PCDHA7: variants seen among roughly 807,000 people sequenced by gnomAD.
PCDHA7 encodes protocadherin alpha-7.
PCDHA7 carries 37 observed loss-of-function variants against 57.2 expected under a neutral mutation model. The ratio of observed to expected loss-of-function variants is 0.65; its 90% confidence interval spans 0.50 to 0.85. PCDHA7 has a LOEUF of 0.85. PCDHA7 is among the 40% of genes least tolerant of loss of function. The probability of loss-of-function intolerance (pLI) is 0.00; values close to 1 mark genes in which losing one functional copy is unlikely to be tolerated. For synonymous variants in PCDHA7, 553 were observed against 558.8 expected, an observed-to-expected ratio of 0.99 and a Z score of 0.15; for missense variants, 1,188 against 1,241.8, an observed-to-expected ratio of 0.96 and a Z score of 0.65.
intron 3 of PCDHA7, among the ~76,000 whole-genome samples, chr5:140,999,978 G>A (rs980753359): frequency 5.9e-5 from 9 of 151,942 alleles, no homozygotes; most frequent in South Asian, 2.1e-4. Flanking sequence ...CAGCTCTAGC[G>A]GCCTCTGGGT....
chr5:140,870,954 G>A, intron 1 of PCDHA7: 1 of 1,613,632 alleles, frequency 6.2e-7, no homozygotes, highest in Non-Finnish European at 8.5e-7. Flanking sequence ...CGGGCGGCTC[G>A]CGCATCCCGT....
At chr5:140,891,586 A>C (rs1296110221) in intron 1 of PCDHA7, among the ~76,000 whole-genome samples, 1 of 151,924 alleles carries the variant, frequency 6.6e-6, no homozygotes, top group Non-Finnish European at 1.5e-5. Flanking sequence ...TAATCTTATT[A>C]CTCTATCCCA....
chr5:140,839,071 T>C lies in PCDHA7; in HGVS notation c.2355+2333T>C, dbSNP rs115806337. 2.0e-3 allele frequency among the ~76,000 whole-genome samples: 311 copies of C among 152,148 alleles called. 5 individuals are homozygous for C. Among genetic ancestry groups the C allele is most frequent in the African/African-American group, 7.1e-3 (293 of 41,488 alleles). On this transcript the variant is annotated intron_variant, in intron 1 of 3. Coordinates refer to ENST00000525929, the MANE Select transcript of PCDHA7 (RefSeq NM_018910.3). ...TGAATAAGGATAGAGGTATGCAAAG[T>C]CAAAAACCTGTCTGATAATCAATAG...
At chr5:140,842,267 T>C (rs2150333098) in intron 1 of PCDHA7, 11 of 1,610,674 alleles carry the variant, frequency 6.8e-6, no homozygotes, top group African/African-American at 5.3e-5. Flanking sequence ...AGAAAACTTA[T>C]ACAAAATCCT....
At position 140,915,045 on chromosome 5, in the gene PCDHA7, A is replaced by G. The variant is rs989835419; in HGVS notation, c.2356-63904A>G. 2.0e-5 allele frequency among the ~76,000 whole-genome samples: 3 copies of G among 151,216 alleles called. No homozygotes were observed. In the East Asian group the frequency reaches 5.8e-4, roughly 29 times the overall value. On this transcript the variant is annotated intron_variant, in intron 1 of 3. Transcript: ENST00000525929. ...ACTGCAACTTCTGCCTCCTGGGTTC[A>G]AGCGATTCTCCTGCCTTAGCCTACT...
chr5:140,876,283 G>T, intron 1 of PCDHA7: 1 of 1,614,056 alleles, frequency 6.2e-7, no homozygotes, highest in Non-Finnish European at 8.5e-7. Context: ...CGATCCAGAC[G>T]AAGGACTTAA....
At chr5:140,924,416 T>G (rs1283567998) in intron 1 of PCDHA7, among the ~76,000 whole-genome samples, 1 of 152,192 alleles carries the variant, frequency 6.6e-6, no homozygotes, top group African/African-American at 2.4e-5. Context: ...CAGTGTGCCC[T>G]TTCTAGTTCC....
intron 3 of PCDHA7, among the ~76,000 whole-genome samples, chr5:140,983,986 G>A (rs1475891501): frequency 2.0e-5 from 3 of 152,176 alleles, no homozygotes; most frequent in African/African-American, 7.2e-5. Context: ...ACGAGTTGAA[G>A]CAATTCATTA....
At chr5:140,841,633 C>T in intron 1 of PCDHA7, 1 of 1,614,144 alleles carries the variant, frequency 6.2e-7, no homozygotes, top group Non-Finnish European at 8.5e-7. Flanking sequence ...AGTGCAGCAT[C>T]CACCTGGAGG....
intron 1 of PCDHA7, chr5:140,868,837 C>A (rs543405019): frequency 2.7e-4 from 116 of 427,288 alleles, no homozygotes; most frequent in Non-Finnish European, 3.6e-4. Context: ...AAACCCAAAA[C>A]ACGTGAAATT....
intron 1 of PCDHA7, chr5:140,858,387 T>C (rs1260966424): frequency 1.9e-6 from 3 of 1,582,118 alleles, no homozygotes; most frequent in Admixed American, 1.8e-5. Flanking sequence ...TGCCCAATGG[T>C]AGATGTGGAC....
intron 1 of PCDHA7, among the ~76,000 whole-genome samples, chr5:140,908,042 C>T (rs2073761027): frequency 1.3e-5 from 2 of 152,196 alleles, no homozygotes; most frequent in African/African-American, 2.4e-5. Context: ...TATATAATTG[C>T]ACATCCGGCC....
chr5:140,901,588 T>A (rs1245761513), intron 1 of PCDHA7, among the ~76,000 whole-genome samples: 1 of 152,176 alleles, frequency 6.6e-6, no homozygotes, highest in Non-Finnish European at 1.5e-5. Flanking sequence ...TGCCATGATG[T>A]TTTGGTTACT....
Position 140,839,125 on chromosome 5 carries a change from C to T in PCDHA7, c.2355+2387C>T, listed in dbSNP as rs146206421. ...TATTTACCATTAAGCCATAATATGT[C>T]ATTCACATAAGCAGACCAAGTTTGC... On this transcript the variant is annotated intron_variant, in intron 1 of 3. Transcript: ENST00000525929. Among the ~76,000 whole-genome samples, 144 of 151,494 alleles carry T rather than the reference C, an allele frequency of 9.5e-4. 3 individuals carry two copies. The highest frequency in any genetic ancestry group is 3.4e-3 in the African/African-American group (139 of 41,138).
chr5:140,966,709 G>C, intron 1 of PCDHA7: 1 of 1,387,174 alleles, frequency 7.2e-7, no homozygotes. Context: ...CGTGGGGCAC[G>C]GCTGGGGAAG....
At chr5:140,922,336 A>G (rs1554200779) in intron 1 of PCDHA7, among the ~76,000 whole-genome samples, 2 of 152,226 alleles carry the variant, frequency 1.3e-5, no homozygotes, top group African/African-American at 4.8e-5. Context: ...GGGTTGGTAT[A>G]TTGGTATTTT....
chr5:140,886,453 A>G (rs1047264611), intron 1 of PCDHA7, among the ~76,000 whole-genome samples: 1 of 152,140 alleles, frequency 6.6e-6, no homozygotes, highest in Non-Finnish European at 1.5e-5. Flanking sequence ...TAATTTTGTC[A>G]TATATAAATG....
intron 1 of PCDHA7, chr5:140,853,984 T>A: frequency 1.9e-6 from 1 of 534,780 alleles, no homozygotes; most frequent in Non-Finnish European, 2.5e-6. Context: ...ACCAATGTAG[T>A]GAGACTCATC....
rs193129915 is a variant in PCDHA7 at position 140,907,396 on chromosome 5, T to C, written c.2355+70658T>C. On this transcript the variant is annotated intron_variant, in intron 1 of 3. Coordinates refer to ENST00000525929, the MANE Select transcript of PCDHA7 (RefSeq NM_018910.3). The stretch of plus-strand genomic sequence containing the variant: ...TGAGTGCCTTGGTCAAAGGCAATGC[T>C]GTGTGGAATACCACGATGGTGGATA... Among the ~76,000 whole-genome samples, 1,220 of 152,314 alleles carry C rather than the reference T, an allele frequency of 8.0e-3. 6 individuals are homozygous for C. Among genetic ancestry groups the C allele is most frequent in the African/African-American group, 0.019 (787 of 41,564 alleles).
Sources: allele counts gnomAD v4.1 joint callset (sites outside exome capture counted in the v4.1 genomes callset), GRCh38; gene constraint gnomAD v4.1.1; transcripts MANE v1.5; gene names NCBI Gene and HGNC (gene_info 2026-07-23, HGNC 2026-07-21).